The following SLC24A2 variants were observed in gnomAD, a reference collection of about 807,000 sequenced individuals.
SLC24A2 encodes solute carrier family 24 member 2.
SLC24A2 carries 36 observed loss-of-function variants against 62.0 expected under a neutral mutation model. That is an observed-to-expected ratio of 0.58 (90% confidence interval 0.44 to 0.77). The LOEUF is 0.77. Among genes scored for constraint, SLC24A2 ranks in the 30% least tolerant of loss-of-function variants. SLC24A2 has a pLI of 0.00. For synonymous variants in SLC24A2, 358 were observed against 294.0 expected, an observed-to-expected ratio of 1.22 and a Z score of -2.23; for missense variants, 846 against 817.9, an observed-to-expected ratio of 1.03 and a Z score of -0.42.
chr9:19,518,405 C>A (rs1833037610), intron 10 of SLC24A2, among the ~76,000 whole-genome samples: 1 of 150,800 alleles, frequency 6.6e-6, no homozygotes, highest in African/African-American at 2.4e-5. Flanking sequence ...TTTTTCTTTT[C>A]TTTCTTTTTC....
intron 2 of SLC24A2, among the ~76,000 whole-genome samples, chr9:19,777,047 A>G (rs10964280): frequency 0.066 from 9,978 of 152,266 alleles, 403 homozygotes; most frequent in East Asian, 0.12. Context: ...CATTAAAACA[A>G]AAACAAAAAC....
chr9:20,295,065 TACAC>T, the SLC24A2 span, among the ~76,000 whole-genome samples: 6 of 142,616 alleles, frequency 4.2e-5, no homozygotes, highest in African/African-American at 8.0e-5. Context: ...CACACACACA[TACAC>T]ACACACACAC....
At chr9:20,258,800 C>G in the SLC24A2 span, among the ~76,000 whole-genome samples, 4 of 128,782 alleles carry the variant, frequency 3.1e-5, no homozygotes, top group African/African-American at 1.3e-4. Context: ...ATCTATCTAT[C>G]TATCTATCTA....
At chr9:19,766,712 G>A (rs781112909) in intron 2 of SLC24A2, among the ~76,000 whole-genome samples, 10 of 152,182 alleles carry the variant, frequency 6.6e-5, no homozygotes, top group Non-Finnish European at 1.5e-4. Flanking sequence ...GAGTTCTCCT[G>A]TATGAGTTGT....
chr9:19,790,191 C>T (rs998679191), upstream of SLC24A2, among the ~76,000 whole-genome samples: 7 of 152,282 alleles, frequency 4.6e-5, no homozygotes, highest in African/African-American at 9.6e-5. Flanking sequence ...CAGCCTCAGA[C>T]TCCCAAGTGC....
At chr9:19,716,581 T>G (rs535906808) in intron 2 of SLC24A2, among the ~76,000 whole-genome samples, 1 of 152,198 alleles carries the variant, frequency 6.6e-6, no homozygotes, top group African/African-American at 2.4e-5. Flanking sequence ...GGTGGTGTTC[T>G]TTTAGGGCTG....
At chr9:19,782,190 G>A (rs1001020244) in intron 2 of SLC24A2, among the ~76,000 whole-genome samples, 2 of 152,178 alleles carry the variant, frequency 1.3e-5, no homozygotes, top group African/African-American at 4.8e-5. Flanking sequence ...TGACAGCCTA[G>A]CACCATAACA....
At chr9:19,881,860 T>C in the SLC24A2 span, among the ~76,000 whole-genome samples, 1 of 152,190 alleles carries the variant, frequency 6.6e-6, no homozygotes. Context: ...TTTGGTTTCA[T>C]GGACTCAGGA....
At position 19,513,792 on chromosome 9, in the gene SLC24A2, A is replaced by C. The variant is rs1832824414; in HGVS notation, c.*2361T>G. ...TAATATAAAATTCACACAATAACCA[A>C]CTTGGTTGCCCTTCAAGAAATACAC... On this transcript the variant is annotated 3_prime_UTR_variant, in exon 11 of 11. Coordinates refer to ENST00000341998, the MANE Select transcript of SLC24A2 (RefSeq NM_020344.4). The C allele has an allele frequency of 6.6e-6, 1 of 152,110 alleles. No individual in the cohort carries two copies. Among genetic ancestry groups the C allele is most frequent in the African/African-American group, 2.4e-5 (1 of 41,426 alleles). The allele number at this position is 152,110 out of a possible 1,614,324, so 9.4% of individuals were successfully genotyped here. A position where few individuals can be genotyped will look rare whatever the true frequency, so the allele number is the denominator to read the frequency against.
At chr9:19,691,081 C>A (rs1020423324) in intron 2 of SLC24A2, among the ~76,000 whole-genome samples, 1 of 152,152 alleles carries the variant, frequency 6.6e-6, no homozygotes, top group South Asian at 2.1e-4. Context: ...ACGTCCAGCA[C>A]AAGGTGTTCC....
the SLC24A2 span, among the ~76,000 whole-genome samples, chr9:20,139,069 A>G: frequency 6.6e-6 from 1 of 152,168 alleles, no homozygotes; most frequent in Non-Finnish European, 1.5e-5. Context: ...ATTCACTTCT[A>G]CATTGCTAAT....
chr9:19,956,016 A>G, the SLC24A2 span, among the ~76,000 whole-genome samples: 1 of 152,242 alleles, frequency 6.6e-6, no homozygotes, highest in African/African-American at 2.4e-5. Flanking sequence ...GCATTTCTCC[A>G]ACAGCACTAG....
the SLC24A2 span, among the ~76,000 whole-genome samples, chr9:19,828,757 GGGGT>G: frequency 6.6e-6 from 1 of 152,190 alleles, no homozygotes; most frequent in African/African-American, 2.4e-5. Context: ...ATTGCTTGAG[GGGGT>G]GGGTAAGTGG....
chr9:20,234,016 G>A, the SLC24A2 span, among the ~76,000 whole-genome samples: 1 of 152,180 alleles, frequency 6.6e-6, no homozygotes. Context: ...GAAATTCTGG[G>A]TTGAAAATTA....
chr9:20,167,339 A>C, the SLC24A2 span, among the ~76,000 whole-genome samples: 35 of 151,966 alleles, frequency 2.3e-4, no homozygotes, highest in Non-Finnish European at 4.6e-4. Context: ...GTTTGAGAAA[A>C]TGAGTAAATG....
At chr9:20,194,926 T>C in the SLC24A2 span, among the ~76,000 whole-genome samples, 6 of 152,112 alleles carry the variant, frequency 3.9e-5, no homozygotes, top group African/African-American at 1.2e-4. Context: ...TAAATAATAT[T>C]CTAAGATTGC....
At chr9:19,586,195 T>C (rs1233301294) in intron 5 of SLC24A2, among the ~76,000 whole-genome samples, 2 of 152,158 alleles carry the variant, frequency 1.3e-5, no homozygotes, top group Non-Finnish European at 2.9e-5. Flanking sequence ...ACCTATCCTA[T>C]CACGGCACTT....
At chr9:20,239,098 A>G in the SLC24A2 span, among the ~76,000 whole-genome samples, 12 of 152,234 alleles carry the variant, frequency 7.9e-5, no homozygotes, top group Non-Finnish European at 1.8e-4. Flanking sequence ...AGTCTGTGGC[A>G]TTGTTACAAC....
chr9:20,143,664 A>G, the SLC24A2 span, among the ~76,000 whole-genome samples: 1 of 152,310 alleles, frequency 6.6e-6, no homozygotes, highest in East Asian at 1.9e-4. Context: ...GGTTTATGTC[A>G]GAGAGCTATT....
Sources: gnomAD v4.1 joint callset for allele counts (sites outside exome capture counted in the v4.1 genomes callset) on GRCh38, gnomAD v4.1.1 for gene constraint, MANE v1.5 for transcripts, NCBI Gene and HGNC (gene_info 2026-07-23, HGNC 2026-07-21) for gene names.